SLC16A3: variants seen among roughly 807,000 people sequenced by gnomAD.
SLC16A3 encodes the protein monocarboxylate transporter 4.
Under a neutral mutation model 25.0 loss-of-function variants are expected in SLC16A3, and 22 were observed. The ratio of observed to expected loss-of-function variants is 0.88; its 90% CI spans 0.63 to 1.26. The LOEUF (loss-of-function observed/expected upper bound fraction) is 1.26. Ranked by LOEUF, SLC16A3 falls within the 50% of genes most tolerant of loss-of-function variation. The probability of loss-of-function intolerance (pLI) is 0.00; values close to 1 mark genes in which losing one functional copy is unlikely to be tolerated. For missense variants in SLC16A3, 731 were observed against 666.6 expected (o/e 1.10, Z -1.06); for synonymous variants, 390 against 309.2 (o/e 1.26, Z -2.74).
chr17:82,233,125 C>A (rs1034073543), intron 1 of SLC16A3, among the ~76,000 whole-genome samples: 1 of 152,166 alleles, frequency 6.6e-6, no homozygotes, highest in Admixed American at 6.5e-5. Context: ...TGTGCCCCTT[C>A]CCCGTACTCT....
chr17:82,237,781 C>G lies in SLC16A3; in HGVS notation c.1011C>G (p.Ala337=), dbSNP rs199691091. Residue 337 remains alanine, a synonymous_variant, in exon 4 of 5, where the codon GCC becomes GCG. Transcript: ENST00000582743. ...FFGISYGMVG[A]LQFEVLMAIV... ...GCATCTCCTACGGCATGGTGGGGGC[C>G]CTGCAGTTCGAGGTGCTCATGGCCA... 19 of 1,611,698 alleles carry G rather than the reference C, an allele frequency of 1.2e-5. 1 individual carries two copies. Among genetic ancestry groups the G allele is most frequent in the Non-Finnish European group, 1.7e-6 (2 of 1,179,950 alleles).
In SLC16A3 at chr17:82,229,075, AGAG is replaced by A. The variant is rs1568532474; in HGVS notation, c.-56_-54del. ...CGGGCAGAGGCGGCGAGAGGCGGCG[AGAG>A]GCGGGCTGAGGCGGCCCAGCGGCGG... On this transcript the variant is annotated 5_prime_UTR_variant, in exon 1 of 5. Coordinates refer to ENST00000582743, the MANE Select transcript of SLC16A3 (RefSeq NM_004207.4). The A allele has an allele frequency of 5.9e-5, 7 of 118,248 alleles. No individual in the cohort carries two copies. Among genetic ancestry groups the A allele is most frequent in the Non-Finnish European group, 1.3e-4 (7 of 55,556 alleles). 7.3% of individuals were successfully genotyped at this position (118,248 alleles called of 1,614,324 possible). A position where few individuals can be genotyped will look rare whatever the true frequency, so the allele number is the denominator to read the frequency against.
intron 1 of SLC16A3, among the ~76,000 whole-genome samples, chr17:82,219,708 C>A (rs908286562): frequency 6.6e-6 from 1 of 152,062 alleles, no homozygotes; most frequent in Non-Finnish European, 1.5e-5. Flanking sequence ...CCAAAGGGTG[C>A]AAAGAGGGGG....
Position 82,236,731 on chromosome 17 carries a change from C to G in SLC16A3, c.226C>G (p.Pro76Ala). 1 of 1,605,778 alleles carries G rather than the reference C, an allele frequency of 6.2e-7. No individual in the cohort carries two copies. Among genetic ancestry groups the G allele is most frequent in the Non-Finnish European group, 8.5e-7 (1 of 1,179,600 alleles). ...CTCTCAGCTGCTGCCCTCTCCAGGT[C>G]CGCTCTGCAGTGTGTGCGTGAACCG... Reference protein sequence around the residue: ...ILLAMLYGTGPLCSVCVNRFG... With the variant: ...ILLAMLYGTGALCSVCVNRFG... The change falls in exon 3 of 5, where the codon CCG becomes GCG. Residue 76 changes from proline (P) to alanine (A), a missense_variant and splice_region_variant. Coordinates refer to ENST00000582743, the MANE Select transcript of SLC16A3 (RefSeq NM_004207.4).
intron 1 of SLC16A3, chr17:82,231,044 C>G (rs1160619836): frequency 3.3e-5 from 5 of 152,238 alleles, no homozygotes; most frequent in African/African-American, 1.2e-4. Context: ...CCCGGTGGAC[C>G]CGCGCGCCGG....
intron 2 of SLC16A3, 24 bp from the exon 3 acceptor site, chr17:82,236,705 C>A: frequency 6.3e-7 from 1 of 1,597,128 alleles, no homozygotes; most frequent in South Asian, 1.1e-5. Context: ...AGGCCCGGCC[C>A]CTCTCAGCTG....
rs1283282509 is a variant in SLC16A3, at chr17:82,218,402, G to A, written c.-27+218G>A. Among the ~76,000 whole-genome samples, 99 of 122,858 alleles carry A rather than the reference G, an allele frequency of 8.1e-4. 1 individual carries two copies. The highest frequency in any genetic ancestry group is 3.2e-3 in the African/African-American group (93 of 29,480). 80.6% of individuals were successfully genotyped at this position (122,858 alleles called of 152,430 possible). On this transcript the variant is annotated intron_variant, in intron 1 of 4. Coordinates refer to the SLC16A3 transcript ENST00000580098. ...CACTGGGGGGGTGGACGGCCAAGGG[G>A]AGCCCAGCCTCGGTCACTGCGGGGT...
chr17:82,223,966 C>T (rs1385462064), upstream of SLC16A3, among the ~76,000 whole-genome samples: 1 of 151,858 alleles, frequency 6.6e-6, no homozygotes, highest in African/African-American at 2.4e-5. Context: ...ACCCCAACAC[C>T]TGTGCACAGA....
At chr17:82,230,176 A>C (rs949288180) in intron 1 of SLC16A3, 1 of 152,418 alleles carries the variant, frequency 6.6e-6, no homozygotes, top group African/African-American at 2.4e-5. Context: ...AGGAGGGTCT[A>C]TTCCGCCAGC....
At chr17:82,219,746 G>A (rs1345270591) in intron 1 of SLC16A3, among the ~76,000 whole-genome samples, 1 of 152,158 alleles carries the variant, frequency 6.6e-6, no homozygotes, top group Non-Finnish European at 1.5e-5. Flanking sequence ...AAGGCGGGGG[G>A]TCTGCGCTGA....
In SLC16A3 at chr17:82,238,713, G is replaced by T. The variant is rs773691901; in HGVS notation, c.1135G>T (p.Asp379Tyr). The T allele has an allele frequency of 6.2e-7, 1 of 1,610,530 alleles. No homozygotes were observed. The highest frequency in any genetic ancestry group is 8.5e-7 in the Non-Finnish European group (1 of 1,179,014). ...VGPPSGGKLL[D>Y]ATHVYMYVFI... ...GGGTCTTCCCGCAGGCAAACTCCTG[G>T]ATGCGACCCACGTCTACATGTACGT... The change falls in exon 5 of 5, where the codon GAT (aspartate) becomes TAT (tyrosine). Residue 379 changes from aspartate to tyrosine, a missense_variant. Transcript: ENST00000582743.
Position 82,236,236 on chromosome 17 carries a change from G to C in SLC16A3, c.223+5G>C. On this transcript the variant is annotated splice_donor_5th_base_variant and intron_variant, in intron 2 of 4. Coordinates refer to ENST00000582743, the MANE Select transcript of SLC16A3 (RefSeq NM_004207.4). The stretch of plus-strand genomic sequence containing the variant: ...TGGCCATGCTCTACGGGACAGGTGA[G>C]GGTGGCCTCACACCGGGCCCCCTGT... 1 of 1,612,130 alleles carries C rather than the reference G, an allele frequency of 6.2e-7. No homozygotes were observed. The highest frequency in any genetic ancestry group is 1.1e-5 in the South Asian group (1 of 91,084).
chr17:82,235,679 T>C, intron 1 of SLC16A3: 1 of 425,538 alleles, frequency 2.3e-6, no homozygotes, highest in South Asian at 2.4e-5. Context: ...TCGATGTTCC[T>C]GTCGGGGGCT....
chr17:82,236,333 C>G (rs2050601452), intron 2 of SLC16A3, 102 bp downstream of exon 2: 10 of 1,093,198 alleles, frequency 9.1e-6, no homozygotes, highest in Non-Finnish European at 1.3e-5. Context: ...CGCCTGCTCC[C>G]CAGGGAACCC....
chr17:82,232,763 C>T (rs1181528611), intron 1 of SLC16A3, among the ~76,000 whole-genome samples: 3 of 152,184 alleles, frequency 2.0e-5, no homozygotes, highest in African/African-American at 7.2e-5. Flanking sequence ...TCCCACCCAC[C>T]CCTGCCCCAG....
chr17:82,237,993 G>A (rs549089409), intron 4 of SLC16A3, 100 bp downstream of exon 4: 3 of 1,373,652 alleles, frequency 2.2e-6, no homozygotes, highest in East Asian at 4.8e-5. Flanking sequence ...GCCACCCGCA[G>A]TGTGGGACTC....
In SLC16A3 at chr17:82,236,232, G is replaced by A; in HGVS notation, c.223+1G>A. ...CTGCTGGCCATGCTCTACGGGACAG[G>A]TGAGGGTGGCCTCACACCGGGCCCC... is the stretch of plus-strand genomic sequence containing the variant. On this transcript the variant is annotated splice_donor_variant, in intron 2 of 4. Coordinates refer to ENST00000582743, the MANE Select transcript of SLC16A3 (RefSeq NM_004207.4). LOFTEE classifies it high-confidence loss of function. 6.2e-7 allele frequency: 1 copy of A among 1,612,384 alleles called. No homozygotes were observed. Among genetic ancestry groups the A allele is most frequent in the Non-Finnish European group, 8.5e-7 (1 of 1,179,622 alleles).
chr17:82,223,330 G>A (rs188975360), intron 1 of SLC16A3, among the ~76,000 whole-genome samples: 3 of 152,042 alleles, frequency 2.0e-5, no homozygotes, highest in Admixed American at 1.3e-4. Flanking sequence ...TTACCGGCAT[G>A]TGCCATGACG....
rs2050453205 is a variant in SLC16A3 at position 82,229,115 on chromosome 17, G to C, written c.-27+9G>C. ...CGGCCCAGCGGCGGCAGGTAGGCGC[G>C]GCCGCGATGCTCGCGCGCGGGCCGG... is the stretch of plus-strand genomic sequence containing the variant. On this transcript the variant is annotated intron_variant, in intron 1 of 4. Transcript: ENST00000582743. 6.6e-6 allele frequency: 1 copy of C among 151,392 alleles called. No homozygotes were observed. The highest frequency in any genetic ancestry group is 2.4e-5 in the African/African-American group (1 of 41,286). 9.4% of individuals were successfully genotyped at this position (151,392 alleles called of 1,614,324 possible). A position where few individuals can be genotyped will look rare whatever the true frequency, so the allele number is the denominator to read the frequency against.
Sources: allele counts gnomAD v4.1 joint callset (sites outside exome capture counted in the v4.1 genomes callset), GRCh38; gene constraint gnomAD v4.1.1; transcripts MANE v1.5; gene names NCBI Gene and HGNC (gene_info 2026-07-23, HGNC 2026-07-21).